Variants in VOPP1 observed in about 807,000 individuals in gnomAD.
VOPP1 encodes the protein WW domain binding protein VOPP1.
Under a neutral mutation model 23.5 loss-of-function variants are expected in VOPP1, and 8 were observed. The observed-to-expected ratio is 0.34, with a 90% CI of 0.20 to 0.61. VOPP1 has a LOEUF of 0.61. Ranked by LOEUF, VOPP1 falls within the 20% of genes least tolerant of loss-of-function variation. VOPP1 has a pLI of 0.78. For missense variants in VOPP1, 174 were observed against 238.1 expected (o/e 0.73, Z 1.77); for synonymous variants, 83 against 97.3 (o/e 0.85, Z 0.86).
At chr7:55,436,365 T>G (rs1472606910) in intron 4 of VOPP1, among the ~76,000 whole-genome samples, 4 of 152,186 alleles carry the variant, frequency 2.6e-5, no homozygotes, top group African/African-American at 9.7e-5. Flanking sequence ...TGGTAATATC[T>G]ACCTTATTTG....
rs376114736 is a variant in VOPP1 at position 55,561,800 on chromosome 7, TGGGAGTAGCTTGCCTA to T, written c.54+10455_54+10470del. The T allele has an allele frequency of 2.2e-3, 1,307 of 586,050 alleles. 5 individuals are homozygous for T. The highest frequency in any genetic ancestry group is 0.012 in the African/African-American group (610 of 52,732). The allele number at this position is 586,050 out of a possible 1,614,324, so 36.3% of individuals were successfully genotyped here. A position where few individuals can be genotyped will look rare whatever the true frequency, so the allele number is the denominator to read the frequency against. On this transcript the variant is annotated intron_variant, in intron 1 of 4. Coordinates refer to ENST00000285279, the MANE Select transcript of VOPP1 (RefSeq NM_030796.5). The stretch of plus-strand genomic sequence containing the variant: ...TTACAGTATCTGAGCTCAGAGCACG[TGGGAGTAGCTTGCCTA>T]GGGAGTAGCTTGCCCAAGTCGGGGA...
downstream of VOPP1, among the ~76,000 whole-genome samples, chr7:55,469,106 T>C (rs1227504773): frequency 6.6e-6 from 1 of 152,200 alleles, no homozygotes; most frequent in Non-Finnish European, 1.5e-5. Flanking sequence ...CTTTTCTGTA[T>C]GCTTTAAATT....
chr7:55,474,319 G>T (rs1792071715), intron 4 of VOPP1, among the ~76,000 whole-genome samples: 2 of 152,244 alleles, frequency 1.3e-5, no homozygotes, highest in African/African-American at 4.8e-5. Flanking sequence ...CAAGGGCAGA[G>T]ATTATGTTTT....
rs201778808 is a variant in VOPP1, at chr7:55,516,925, TATATATA to T, written c.113+4140_113+4146del. The stretch of plus-strand genomic sequence containing the variant: ...CATTACATATATATATATATATATA[TATATATA>T]TTTTTTTTTTTTTTTTTTTTTTTTT... On this transcript the variant is annotated intron_variant, in intron 2 of 4. Transcript: ENST00000285279. Among the ~76,000 whole-genome samples the T allele has an allele frequency of 3.9e-3, 177 of 45,088 alleles. 1 individual carries two copies. Among genetic ancestry groups the T allele is most frequent in the African/African-American group, 8.6e-3 (78 of 9,110 alleles). The allele number at this position is 45,088 out of a possible 152,430, so 29.6% of individuals were successfully genotyped here. A position where few individuals can be genotyped will look rare whatever the true frequency, so the allele number is the denominator to read the frequency against.
At chr7:55,545,759 G>A (rs1025253512) in intron 1 of VOPP1, among the ~76,000 whole-genome samples, 2 of 152,152 alleles carry the variant, frequency 1.3e-5, no homozygotes, top group African/African-American at 4.8e-5. Flanking sequence ...GTCATTTGTG[G>A]AGAGCTGCAG....
intron 1 of VOPP1, among the ~76,000 whole-genome samples, chr7:55,545,660 A>G (rs1462142092): frequency 6.6e-6 from 1 of 152,168 alleles, no homozygotes; most frequent in Non-Finnish European, 1.5e-5. Flanking sequence ...ACCGGGACTC[A>G]AGAGGGATCC....
At chr7:55,489,727 T>A (rs1284148588) in intron 4 of VOPP1, among the ~76,000 whole-genome samples, 1 of 152,214 alleles carries the variant, frequency 6.6e-6, no homozygotes, top group Middle Eastern at 3.4e-3. Context: ...GACCCTGGTT[T>A]ACCAGGCTGC....
chr7:55,503,374 C>T (rs1794497346), intron 2 of VOPP1, among the ~76,000 whole-genome samples: 1 of 152,108 alleles, frequency 6.6e-6, no homozygotes. Context: ...TAGTCCTGCA[C>T]AGGAGGAAAG....
intron 1 of VOPP1, among the ~76,000 whole-genome samples, chr7:55,540,745 C>T (rs1383711872): frequency 1.3e-5 from 2 of 152,186 alleles, no homozygotes; most frequent in African/African-American, 2.4e-5. Flanking sequence ...ACCTCCGCTG[C>T]GGCCTCAACG....
At chr7:55,552,913 T>G (rs1797670340) in intron 1 of VOPP1, 6 of 1,046,094 alleles carry the variant, frequency 5.7e-6, no homozygotes, top group Admixed American at 3.5e-5. Context: ...AAATTATACG[T>G]GCTGCTAGCT....
chr7:55,499,491 G>C (rs982584743), intron 2 of VOPP1, among the ~76,000 whole-genome samples: 1 of 152,216 alleles, frequency 6.6e-6, no homozygotes, highest in Non-Finnish European at 1.5e-5. Flanking sequence ...GTGGAGCAGG[G>C]AAAACCCAGA....
chr7:55,537,730 C>G, intron 1 of VOPP1: 1 of 1,402,866 alleles, frequency 7.1e-7, no homozygotes, highest in Non-Finnish European at 9.3e-7. Flanking sequence ...AAGAAGCCAG[C>G]GCTTGTGACA....
downstream of VOPP1, among the ~76,000 whole-genome samples, chr7:55,435,583 C>T (rs1342614345): frequency 2.6e-5 from 4 of 152,146 alleles, no homozygotes; most frequent in Admixed American, 6.5e-5. Context: ...TACGCAGCCC[C>T]GAGTGAGCCG....
chr7:55,501,181 G>C (rs1457362436), intron 2 of VOPP1, among the ~76,000 whole-genome samples: 1 of 152,240 alleles, frequency 6.6e-6, no homozygotes, highest in African/African-American at 2.4e-5. Context: ...TGTATCATAT[G>C]ATGTCAGCAA....
chr7:55,454,295 A>T (rs1318419338), intron 4 of VOPP1, among the ~76,000 whole-genome samples: 1 of 152,210 alleles, frequency 6.6e-6, no homozygotes, highest in East Asian at 1.9e-4. Flanking sequence ...TCTGAAACTG[A>T]GGCAGCAATT....
intron 1 of VOPP1, among the ~76,000 whole-genome samples, chr7:55,561,265 C>G (rs1178493625): frequency 2.6e-5 from 4 of 152,104 alleles, no homozygotes; most frequent in Admixed American, 6.5e-5. Flanking sequence ...GTGCACCTTC[C>G]CTCTTGATGA....
At chr7:55,489,557 C>A (rs1055263037) in intron 4 of VOPP1, among the ~76,000 whole-genome samples, 10 of 152,158 alleles carry the variant, frequency 6.6e-5, no homozygotes, top group Non-Finnish European at 1.3e-4. Flanking sequence ...CACACGGGTG[C>A]TGGAGCTGTG....
intron 1 of VOPP1, chr7:55,537,657 C>A: frequency 2.7e-6 from 4 of 1,504,892 alleles, no homozygotes; most frequent in Non-Finnish European, 3.5e-6. Flanking sequence ...GCCCGCAGAC[C>A]CTGCAGTATC....
At chr7:55,474,479 T>C (rs1218029636) in intron 4 of VOPP1, among the ~76,000 whole-genome samples, 1 of 152,196 alleles carries the variant, frequency 6.6e-6, no homozygotes, top group Non-Finnish European at 1.5e-5. Context: ...CTGAGGGCTG[T>C]CGGCAATGAC....
Sources: allele counts gnomAD v4.1 joint callset (sites outside exome capture counted in the v4.1 genomes callset), GRCh38; gene constraint gnomAD v4.1.1; transcripts MANE v1.5; gene names NCBI Gene and HGNC (gene_info 2026-07-23, HGNC 2026-07-21).